The following SORBS2 variants were observed in gnomAD, a reference collection of about 807,000 sequenced individuals.
The protein encoded by SORBS2 is sorbin and SH3 domain-containing protein 2.
Under a neutral mutation model 97.7 loss-of-function variants are expected in SORBS2, and 46 were observed. The observed-to-expected ratio is 0.47, with a 90% CI of 0.37 to 0.60. The LOEUF (loss-of-function observed/expected upper bound fraction) is 0.60. Among genes scored for constraint, SORBS2 ranks in the 20% least tolerant of loss-of-function variants. The pLI, the probability that SORBS2 is intolerant of heterozygous loss-of-function variation, is 0.00. For synonymous variants in SORBS2, 476 were observed against 473.4 expected, an observed-to-expected ratio of 1.01 and a Z score of -0.07; for missense variants, 1,316 against 1,282.3, an observed-to-expected ratio of 1.03 and a Z score of -0.40.
intron 1 of SORBS2, among the ~76,000 whole-genome samples, chr4:185,907,013 GTAATCCCAGCT>G (rs2099251304): frequency 6.6e-6 from 1 of 152,064 alleles, no homozygotes; most frequent in Non-Finnish European, 1.5e-5. Flanking sequence ...GTGCGAGCCT[GTAATCCCAGCT>G]ACTCAGGAGG....
chr4:185,706,317 C>T (rs12640168), intron 2 of SORBS2, among the ~76,000 whole-genome samples: 18,147 of 152,106 alleles, frequency 0.12, 1,596 homozygotes, highest in African/African-American at 0.23. Context: ...ATATATCTTA[C>T]CACTTCATAT....
chr4:185,837,463 A>G (rs1350901725), intron 1 of SORBS2, among the ~76,000 whole-genome samples: 2 of 152,232 alleles, frequency 1.3e-5, no homozygotes, highest in Non-Finnish European at 2.9e-5. Context: ...AAGCATTTCA[A>G]AAACCCCAGG....
chr4:185,688,353 T>G (rs1356133962), intron 2 of SORBS2, among the ~76,000 whole-genome samples: 3 of 152,124 alleles, frequency 2.0e-5, no homozygotes, highest in Non-Finnish European at 4.4e-5. Context: ...ATTGGATAGA[T>G]ATATCTATCA....
chr4:185,665,833 T>A, intron 4 of SORBS2: 1 of 1,144,132 alleles, frequency 8.7e-7, no homozygotes, highest in Non-Finnish European at 1.1e-6. Context: ...GGTGTCAGAG[T>A]CACCAATCTG....
intron 2 of SORBS2, among the ~76,000 whole-genome samples, chr4:185,692,795 T>C (rs1432882889): frequency 8.8e-6 from 1 of 113,616 alleles, no homozygotes; most frequent in Non-Finnish European, 1.8e-5. Context: ...TATACACATG[T>C]ATATGTGCAC....
intron 4 of SORBS2, among the ~76,000 whole-genome samples, chr4:185,673,467 TGAA>T (rs1561838263): frequency 6.6e-6 from 1 of 152,094 alleles, no homozygotes; most frequent in East Asian, 1.9e-4. Context: ...GTAAAAAAAA[TGAA>T]GTATTGTTGA....
chr4:185,951,651 G>A (rs954905397), intron 1 of SORBS2, among the ~76,000 whole-genome samples: 1 of 152,208 alleles, frequency 6.6e-6, no homozygotes, highest in South Asian at 2.1e-4. Context: ...GTACCATAAG[G>A]TGCCAGGATC....
upstream of SORBS2, among the ~76,000 whole-genome samples, chr4:185,659,556 A>G (rs1220250158): frequency 1.3e-5 from 2 of 151,106 alleles, no homozygotes; most frequent in African/African-American, 2.4e-5. Context: ...AGCTGGGACT[A>G]CAGGTGCCCG....
chr4:185,620,674 C>T (rs2096706262), intron 7 of SORBS2, among the ~76,000 whole-genome samples: 1 of 152,050 alleles, frequency 6.6e-6, no homozygotes, highest in African/African-American at 2.4e-5. Context: ...TGAACATTCT[C>T]CTTCTGCCTT....
chr4:185,943,469 C>G (rs542091924), intron 1 of SORBS2, among the ~76,000 whole-genome samples: 1 of 152,264 alleles, frequency 6.6e-6, no homozygotes, highest in South Asian at 2.1e-4. Flanking sequence ...ATGGTACCTA[C>G]TCAAGCTGTA....
Position 185,671,159 on chromosome 4 carries a change from A to C in SORBS2, c.-46+7264T>G, listed in dbSNP as rs867501929. On this transcript the variant is annotated intron_variant, in intron 4 of 20. Coordinates refer to the SORBS2 transcript ENST00000284776. Reference sequence around the variant, plus strand: ...ATTGTCTGACAGCCTCATAATAAAAATTATTTTAACCATATACTCCCCACC... The same window carrying C: ...ATTGTCTGACAGCCTCATAATAAAACTTATTTTAACCATATACTCCCCACC... Among the ~76,000 whole-genome samples the C allele has an allele frequency of 2.6e-5, 4 of 152,286 alleles. No individual in the cohort carries two copies. The South Asian group carries it at 8.3e-4, about 32-fold the overall frequency.
intron 2 of SORBS2, 98 bp from the exon 11 acceptor site, chr4:185,651,926 A>G: frequency 1.4e-6 from 1 of 722,304 alleles, no homozygotes; most frequent in Admixed American, 2.4e-5. Flanking sequence ...TTGTTAGAAA[A>G]GCAACGTATT....
At chr4:185,776,172 C>T (rs185195242) in intron 1 of SORBS2, among the ~76,000 whole-genome samples, 1 of 152,328 alleles carries the variant, frequency 6.6e-6, no homozygotes, top group East Asian at 1.9e-4. Context: ...AAGCCAAGCA[C>T]TCTGGGAATA....
chr4:185,926,570 G>T (rs1324438956), intron 1 of SORBS2, among the ~76,000 whole-genome samples: 2 of 150,676 alleles, frequency 1.3e-5, no homozygotes, highest in Non-Finnish European at 3.0e-5. Context: ...TTTTTTAATG[G>T]CAATGTAGAA....
rs577600878 is a variant in SORBS2, at chr4:185,627,514, G to A, written c.447-495C>T. Among the ~76,000 whole-genome samples the A allele has an allele frequency of 1.6e-4, 24 of 152,216 alleles. No homozygotes were observed. The East Asian group carries it at 1.7e-3, about 11-fold the overall frequency. ...ATTACAGGCGTGAACCACTGTGCCC[G>A]GACAACTAAATTTTTTTAGGGCAGT... On this transcript the variant is annotated intron_variant, in intron 5 of 14. Coordinates refer to ENST00000418609, the Ensembl canonical transcript of SORBS2.
intron 1 of SORBS2, among the ~76,000 whole-genome samples, chr4:185,870,473 C>T (rs914535258): frequency 1.3e-5 from 2 of 152,214 alleles, no homozygotes; most frequent in Non-Finnish European, 2.9e-5. Context: ...TGTTATGTTT[C>T]AAACTGTTTG....
intron 4 of SORBS2, chr4:185,677,595 A>G (rs1044110415): frequency 3.9e-6 from 6 of 1,535,132 alleles, no homozygotes; most frequent in African/African-American, 1.4e-5. Context: ...ACTGGTTATC[A>G]AAGAGCTATG....
chr4:185,810,298 T>G (rs983643361), intron 1 of SORBS2, among the ~76,000 whole-genome samples: 1 of 152,238 alleles, frequency 6.6e-6, no homozygotes, highest in African/African-American at 2.4e-5. Flanking sequence ...TCTCTTATCT[T>G]AGGGCTTATG....
In SORBS2 at chr4:185,730,107, G is replaced by C. The variant is rs10018379; in HGVS notation, c.-198+45120C>G. On this transcript the variant is annotated intron_variant, in intron 2 of 20. Transcript: ENST00000284776. ...AGCTGGGACTACAGGTGCCTGCCAC[G>C]GCACCTGGCTAATTTTTTGTATTTT... is the stretch of plus-strand genomic sequence containing the variant. 3.1e-3 allele frequency among the ~76,000 whole-genome samples: 471 copies of C among 151,954 alleles called. 3 individuals carry two copies. Among genetic ancestry groups the C allele is most frequent in the African/African-American group, 0.011 (458 of 41,378 alleles).
Sources: allele counts gnomAD v4.1 joint callset (sites outside exome capture counted in the v4.1 genomes callset), GRCh38; gene constraint gnomAD v4.1.1; transcripts MANE v1.5; gene names NCBI Gene and HGNC (gene_info 2026-07-23, HGNC 2026-07-21).